UBE2U: variants seen among roughly 807,000 people sequenced by gnomAD.
UBE2U encodes ubiquitin-conjugating enzyme E2 U.
A neutral mutation model predicts 41.2 loss-of-function variants in UBE2U; 39 were observed. The observed-to-expected ratio is 0.95, with a 90% CI of 0.73 to 1.24. UBE2U has a LOEUF of 1.24. Ranked by LOEUF, UBE2U falls within the 50% of genes most tolerant of loss-of-function variation. The probability of loss-of-function intolerance (pLI) is 0.00; values close to 1 mark genes in which losing one functional copy is unlikely to be tolerated. For synonymous variants in UBE2U, 107 were observed against 117.8 expected (o/e 0.91, Z 0.60); for missense variants, 336 against 363.1 (o/e 0.93, Z 0.61).
intron 7 of UBE2U, among the ~76,000 whole-genome samples, chr1:64,239,086 G>GAAGAAGAAGAAGAA (rs1644735040): frequency 2.3e-5 from 1 of 44,140 alleles, no homozygotes; most frequent in Non-Finnish European, 4.5e-5. Flanking sequence ...AAGAGGAAGA[G>GAAGAAGAAGAAGAA]GAAGAGGAAG....
intron 8 of UBE2U, among the ~76,000 whole-genome samples, chr1:64,250,370 A>G (rs1358935570): frequency 6.6e-6 from 1 of 152,208 alleles, no homozygotes; most frequent in Admixed American, 6.5e-5. Flanking sequence ...CTTTAAACCC[A>G]GATGGCTTCA....
In UBE2U at chr1:64,239,157, A is replaced by AAGAAGAAAAGAAGAAGAAGAAGAAG; in HGVS notation, c.596-2494_596-2493insGAAGAAAAGAAGAAGAAGAAGAAGA. ...GAAGAAGAAGAAGAAGAAGAAGAAGAAAGAAGAAGAAGAAGAAGAAGAAGA... is the reference window on the plus strand; with the variant it reads ...GAAGAAGAAGAAGAAGAAGAAGAAGAAGAAGAAAAGAAGAAGAAGAAGAAGAAGAAGAAGAAGAAGAAGAAGAAGA... On this transcript the variant is annotated intron_variant, in intron 7 of 9. Coordinates refer to ENST00000371077, the MANE Select transcript of UBE2U (RefSeq NM_001366232.2). Among the ~76,000 whole-genome samples, 89 of 37,056 alleles carry AAGAAGAAAAGAAGAAGAAGAAGAAG rather than the reference A, an allele frequency of 2.4e-3. 6 individuals are homozygous for AAGAAGAAAAGAAGAAGAAGAAGAAG. Among genetic ancestry groups the AAGAAGAAAAGAAGAAGAAGAAGAAG allele is most frequent in the East Asian group, 7.3e-3 (7 of 964 alleles). The allele number at this position is 37,056 out of a possible 152,430, so 24.3% of individuals were successfully genotyped here. A position where few individuals can be genotyped will look rare whatever the true frequency, so the allele number is the denominator to read the frequency against.
In UBE2U at chr1:64,241,675, G is replaced by A; in HGVS notation, c.619G>A (p.Gly207Arg). ...TPLLKVPNFI[G>R]QYYKWKKMDL... Reference sequence around the variant, plus strand: ...AGTGCTCAAAGTTCCAAATTTCATTGGACAGTATTACAAATGGAAGAAAAT... The same window carrying A: ...AGTGCTCAAAGTTCCAAATTTCATTAGACAGTATTACAAATGGAAGAAAAT... The change falls in exon 8 of 10, where the codon GGA becomes AGA. Residue 207 changes from glycine (G) to arginine (R), a missense_variant. Transcript: ENST00000371077. 1 of 1,606,886 alleles carries A rather than the reference G, an allele frequency of 6.2e-7. No homozygotes were observed. Among genetic ancestry groups the A allele is most frequent in the Non-Finnish European group, 8.5e-7 (1 of 1,177,174 alleles).
intron 3 of UBE2U, 133 bp from the exon 4 acceptor site, chr1:64,210,609 C>G (rs1651604113): frequency 3.5e-6 from 2 of 563,442 alleles, no homozygotes; most frequent in East Asian, 6.5e-5. Context: ...TAGTGCTTCT[C>G]AGTACAGAGA....
In UBE2U at chr1:64,267,076, T is replaced by C. The variant is rs1031866555; in HGVS notation, c.822T>C (p.Tyr274=). 1 of 1,550,500 alleles carries C rather than the reference T, an allele frequency of 6.4e-7. No individual in the cohort carries two copies. Among genetic ancestry groups the C allele is most frequent in the Non-Finnish European group, 8.7e-7 (1 of 1,146,970 alleles). The part of the protein sequence containing the change: ...PTAINSITDI[Y]ETEEEGWKSD... The stretch of plus-strand genomic sequence containing the variant: ...CAATAAATAGCATCACAGACATTTA[T>C]GAAACAGAAGAGGAGGGGTGGAAGA... The change falls in exon 10 of 10, where the codon TAT becomes TAC. Residue 274 remains tyrosine, a synonymous_variant. Transcript: ENST00000371077.
At chr1:64,226,671 G>A (rs1482325740) in intron 6 of UBE2U, among the ~76,000 whole-genome samples, 1 of 149,734 alleles carries the variant, frequency 6.7e-6, no homozygotes, top group African/African-American at 2.5e-5. Flanking sequence ...TCTCTTAAAA[G>A]AAGAAAAAGA....
Position 64,217,231 on chromosome 1 carries a change from C to G in UBE2U, c.457+2299C>G, listed in dbSNP as rs74542165. Among the ~76,000 whole-genome samples, 23 of 152,180 alleles carry G rather than the reference C, an allele frequency of 1.5e-4. No individual in the cohort carries two copies. In the East Asian group the frequency reaches 4.4e-3, roughly 29 times the overall value. On this transcript the variant is annotated intron_variant, in intron 5 of 9. Coordinates refer to ENST00000371077, the MANE Select transcript of UBE2U (RefSeq NM_001366232.2). ...TGTTTATTTGATAGAGCTAAATGAC[C>G]ATTTTTCAGAGATGTTATCAAAGAG...
At chr1:64,219,656 G>A (rs899604299) in intron 5 of UBE2U, among the ~76,000 whole-genome samples, 2 of 151,118 alleles carry the variant, frequency 1.3e-5, no homozygotes, top group East Asian at 1.9e-4. Flanking sequence ...GCAGTGGTGC[G>A]GCAATCTGGG....
intron 7 of UBE2U, among the ~76,000 whole-genome samples, chr1:64,239,111 GAA>G (rs1190257008): frequency 2.2e-4 from 6 of 26,856 alleles, no homozygotes; most frequent in African/African-American, 1.4e-3. Context: ...AGAAGAAGAA[GAA>G]GAAGAAGAAG....
chr1:64,237,383 A>T (rs1359834944), intron 7 of UBE2U, among the ~76,000 whole-genome samples: 1 of 152,074 alleles, frequency 6.6e-6, no homozygotes, highest in African/African-American at 2.4e-5. Context: ...AAGAAGAACT[A>T]TACTGTGGAT....
intron 8 of UBE2U, among the ~76,000 whole-genome samples, chr1:64,259,382 C>T (rs1463125072): frequency 6.6e-6 from 1 of 152,122 alleles, no homozygotes; most frequent in Non-Finnish European, 1.5e-5. Context: ...GTGTTTTAGT[C>T]ATGAAGTCCT....
chr1:64,254,441 AAAC>A (rs1416476590), intron 8 of UBE2U, among the ~76,000 whole-genome samples: 9 of 152,224 alleles, frequency 5.9e-5, no homozygotes, highest in African/African-American at 2.2e-4. Flanking sequence ...CTCCACCCAA[AAAC>A]AACAAAATAT....
rs373002720 is a variant in UBE2U at position 64,221,463 on chromosome 1, AATCAGCACAGATCATT to A, written c.506+559_506+574del. On this transcript the variant is annotated intron_variant, in intron 6 of 9. Transcript: ENST00000371077. Reference sequence around the variant, plus strand: ...AAAGAGAAGAATGTATTGTCAACAAAATCAGCACAGATCATTATAGATCACAAAAATTCAAGCAATT... The same window carrying A: ...AAAGAGAAGAATGTATTGTCAACAAAATAGATCACAAAAATTCAAGCAATT... 3.9e-3 allele frequency among the ~76,000 whole-genome samples: 594 copies of A among 152,288 alleles called. 4 individuals carry two copies. Among genetic ancestry groups the A allele is most frequent in the Non-Finnish European group, 6.3e-3 (430 of 68,028 alleles).
intron 7 of UBE2U, among the ~76,000 whole-genome samples, chr1:64,240,785 A>G (rs1429825451): frequency 3.3e-5 from 5 of 152,130 alleles, no homozygotes; most frequent in African/African-American, 1.2e-4. Flanking sequence ...TTTTTGAGAC[A>G]GGGTCTCACT....
chr1:64,211,905 A>T (rs548708993), intron 4 of UBE2U, among the ~76,000 whole-genome samples: 3 of 152,254 alleles, frequency 2.0e-5, no homozygotes, highest in African/African-American at 7.2e-5. Context: ...TTACATTTTG[A>T]TTATCTAGAA....
rs769156727 is a variant in UBE2U at position 64,241,771 on chromosome 1, T to G, written c.677+38T>G. On this transcript the variant is annotated intron_variant, in intron 8 of 9. Coordinates refer to ENST00000371077, the MANE Select transcript of UBE2U (RefSeq NM_001366232.2). ...AAGTGCCTTGAATGTGTACATTAAC[T>G]TGAATTGTCTATTATTCCACTTTCT... is the stretch of plus-strand genomic sequence containing the variant. 2.7e-6 allele frequency: 4 copies of G among 1,478,858 alleles called. No individual in the cohort carries two copies. In the African/African-American group the frequency reaches 5.6e-5, roughly 21 times the overall value. The allele number at this position is 1,478,858 out of a possible 1,614,324, so 91.6% of individuals were successfully genotyped here.
chr1:64,228,854 A>AT (rs1653076132), intron 6 of UBE2U, among the ~76,000 whole-genome samples: 3 of 95,410 alleles, frequency 3.1e-5, no homozygotes, highest in Admixed American at 1.1e-4. Flanking sequence ...TTGCCCAGGT[A>AT]ATTTTTTTTT....
In UBE2U at chr1:64,267,106, C is replaced by T. The variant is rs1248811635; in HGVS notation, c.852C>T (p.Asp284=). The change falls in exon 10 of 10, where the codon GAC becomes GAT. Residue 284 remains aspartate, a synonymous_variant. Transcript: ENST00000371077. ...CAGAAGAGGAGGGGTGGAAGAGTGACACTTCATTATATGAAAATGACACAG... is the reference window on the plus strand; with the variant it reads ...CAGAAGAGGAGGGGTGGAAGAGTGATACTTCATTATATGAAAATGACACAG... ...YETEEEGWKS[D]TSLYENDTDE... 6.5e-7 allele frequency: 1 copy of T among 1,550,382 alleles called. No homozygotes were observed. The highest frequency in any genetic ancestry group is 2.0e-5 in the Admixed American group (1 of 50,970).
At chr1:64,246,486 G>A (rs1217177333) in intron 8 of UBE2U, among the ~76,000 whole-genome samples, 1 of 152,146 alleles carries the variant, frequency 6.6e-6, no homozygotes, top group Non-Finnish European at 1.5e-5. Flanking sequence ...TTTTTAAGGA[G>A]TGCTAGCTTT....
Sources: gnomAD v4.1 joint callset for allele counts (sites outside exome capture counted in the v4.1 genomes callset) on GRCh38, gnomAD v4.1.1 for gene constraint, MANE v1.5 for transcripts, NCBI Gene and HGNC (gene_info 2026-07-23, HGNC 2026-07-21) for gene names.